CNTN1: variants seen among roughly 807,000 people sequenced by gnomAD.
CNTN1 encodes contactin-1.
CNTN1 carries 38 observed loss-of-function variants against 126.4 expected under a neutral mutation model. The observed-to-expected ratio is 0.30, with a 90% CI of 0.23 to 0.39. CNTN1 has a LOEUF of 0.39. CNTN1 is among the 10% of genes least tolerant of loss of function. The probability of loss-of-function intolerance (pLI) is 1.00; values close to 1 mark genes in which losing one functional copy is unlikely to be tolerated. For synonymous variants in CNTN1, 413 were observed against 422.6 expected, an observed-to-expected ratio of 0.98 and a Z score of 0.28; for missense variants, 1,009 against 1,248.4, an observed-to-expected ratio of 0.81 and a Z score of 2.89.
At chr12:41,009,465 G>A (rs1307577059) in intron 17 of CNTN1, among the ~76,000 whole-genome samples, 2 of 152,136 alleles carry the variant, frequency 1.3e-5, no homozygotes, top group African/African-American at 4.8e-5. Context: ...CCTTACTCAG[G>A]TAACCCACTG....
At chr12:40,724,868 A>G (rs1942308271) in intron 1 of CNTN1, among the ~76,000 whole-genome samples, 1 of 152,222 alleles carries the variant, frequency 6.6e-6, no homozygotes, top group South Asian at 2.1e-4. Flanking sequence ...GAAAAGCACT[A>G]TTGCTACATT....
At chr12:40,762,811 A>C (rs1478857396) in intron 1 of CNTN1, among the ~76,000 whole-genome samples, 1 of 152,174 alleles carries the variant, frequency 6.6e-6, no homozygotes, top group East Asian at 1.9e-4. Flanking sequence ...AATTGAGTAA[A>C]TAATAATAAT....
intron 1 of CNTN1, among the ~76,000 whole-genome samples, chr12:40,835,981 T>C (rs1311758798): frequency 1.6e-5 from 1 of 62,136 alleles, no homozygotes; most frequent in East Asian, 6.1e-4. Context: ...TGAACAGGTA[T>C]ATATATGTGT....
At chr12:40,759,052 T>C (rs113079850) in intron 1 of CNTN1, among the ~76,000 whole-genome samples, 7,127 of 152,002 alleles carry the variant, frequency 0.047, 216 homozygotes, top group Middle Eastern at 0.16. Context: ...TACAGGCATG[T>C]ATCACCATGC....
chr12:40,936,675 A>C, intron 9 of CNTN1, 106 bp from the exon 10 acceptor site: 1 of 1,384,592 alleles, frequency 7.2e-7, no homozygotes, highest in South Asian at 1.2e-5. Flanking sequence ...ACACTATCTG[A>C]TGTATTCTGC....
intron 23 of CNTN1, among the ~76,000 whole-genome samples, chr12:41,060,212 G>A (rs1007886172): frequency 3.3e-5 from 5 of 151,994 alleles, no homozygotes; most frequent in African/African-American, 9.7e-5. Context: ...GCAATAGAAC[G>A]AGCAATTTTT....
At chr12:40,839,642 G>A (rs35640051) in intron 1 of CNTN1, among the ~76,000 whole-genome samples, 23,706 of 152,106 alleles carry the variant, frequency 0.16, 1,842 homozygotes, top group Middle Eastern at 0.21. Context: ...CTGAAAAAAT[G>A]TCAGTCAAAA....
At chr12:40,943,851 T>C (rs1946345020) in intron 13 of CNTN1, 127 bp downstream of exon 13, 22 of 1,399,684 alleles carry the variant, frequency 1.6e-5, no homozygotes, top group Non-Finnish European at 2.2e-5. Flanking sequence ...GTTTCTTGCT[T>C]GATGATATTG....
In CNTN1 at chr12:40,694,558, G is replaced by T. The variant is rs1170742867; in HGVS notation, c.-77+1966G>T. ...TAGCTTCCCAGGATTTTTGGTCCTG[G>T]CAACAAAATGTGGTTAATGTTGATA... On this transcript the variant is annotated intron_variant, in intron 1 of 23. Coordinates refer to ENST00000551295, the MANE Select transcript of CNTN1 (RefSeq NM_001843.4). 5.3e-5 allele frequency among the ~76,000 whole-genome samples: 8 copies of T among 152,074 alleles called. No homozygotes were observed. In the South Asian group the frequency reaches 8.3e-4, roughly 16 times the overall value.
chr12:41,060,847 G>A (rs1566243112), intron 23 of CNTN1, among the ~76,000 whole-genome samples: 2 of 152,096 alleles, frequency 1.3e-5, no homozygotes, highest in Admixed American at 1.3e-4. Flanking sequence ...TCTTATTCCA[G>A]ACTGAGTATG....
chr12:40,812,964 G>C (rs895536268), intron 1 of CNTN1, among the ~76,000 whole-genome samples: 1 of 132,332 alleles, frequency 7.6e-6, no homozygotes, highest in Non-Finnish European at 1.6e-5. Flanking sequence ...TTTTTTGGTT[G>C]TTTTGAAAAT....
intron 3 of CNTN1, among the ~76,000 whole-genome samples, chr12:40,918,084 T>C (rs915775827): frequency 6.6e-6 from 1 of 152,166 alleles, no homozygotes; most frequent in Non-Finnish European, 1.5e-5. Context: ...AGGAGAATGA[T>C]GTACACAGAT....
chr12:40,973,042 C>T (rs1011393421), intron 15 of CNTN1, among the ~76,000 whole-genome samples: 1 of 151,938 alleles, frequency 6.6e-6, no homozygotes, highest in African/African-American at 2.4e-5. Context: ...AATCATAGGA[C>T]AGATGTGACT....
At chr12:40,728,437 G>T (rs899400059) in intron 1 of CNTN1, among the ~76,000 whole-genome samples, 1 of 152,130 alleles carries the variant, frequency 6.6e-6, no homozygotes, top group Non-Finnish European at 1.5e-5. Context: ...GCAACTAGTA[G>T]TAAGCTCTGT....
At chr12:40,780,193 T>C (rs1000451148) in intron 1 of CNTN1, among the ~76,000 whole-genome samples, 1 of 151,922 alleles carries the variant, frequency 6.6e-6, no homozygotes, top group East Asian at 1.9e-4. Context: ...ATTCACAAAT[T>C]TTAAGAAGTT....
chr12:40,767,695 G>T (rs893425567), intron 1 of CNTN1, among the ~76,000 whole-genome samples: 3 of 143,300 alleles, frequency 2.1e-5, no homozygotes, highest in Non-Finnish European at 3.1e-5. Context: ...GTGCAGTGGA[G>T]CGATCTCGGC....
At chr12:40,973,897 AATTTG>A (rs1431604396) in intron 15 of CNTN1, among the ~76,000 whole-genome samples, 1 of 152,168 alleles carries the variant, frequency 6.6e-6, no homozygotes, top group Non-Finnish European at 1.5e-5. Context: ...TCTTCTATCC[AATTTG>A]ATTTATCAAA....
chr12:40,897,535 G>A (rs1944452143), intron 1 of CNTN1, among the ~76,000 whole-genome samples: 1 of 152,140 alleles, frequency 6.6e-6, no homozygotes, highest in South Asian at 2.1e-4. Flanking sequence ...AGAAACTATA[G>A]AATCACTTTC....
intron 1 of CNTN1, among the ~76,000 whole-genome samples, chr12:40,787,159 T>C (rs935226): frequency 0.8 from 121,640 of 152,040 alleles, 48,961 homozygotes; most frequent in South Asian, 0.86. Flanking sequence ...ACTGTTCATC[T>C]TATTTATAAT....
Sources: gnomAD v4.1 joint callset for allele counts (sites outside exome capture counted in the v4.1 genomes callset) on GRCh38, gnomAD v4.1.1 for gene constraint, MANE v1.5 for transcripts, NCBI Gene and HGNC (gene_info 2026-07-23, HGNC 2026-07-21) for gene names.